The following CFAP54 variants were observed in gnomAD, a reference collection of about 807,000 sequenced individuals.
The protein encoded by CFAP54 is cilia- and flagella-associated protein 54.
Under a neutral mutation model 370.4 loss-of-function variants are expected in CFAP54, and 290 were observed. That is an observed-to-expected ratio of 0.78 (90% CI 0.71 to 0.86). CFAP54 has a LOEUF of 0.86. Ranked by LOEUF, CFAP54 falls within the 40% of genes least tolerant of loss-of-function variation. The pLI is 0.00. For missense variants in CFAP54, 3,399 were observed against 3,528.7 expected (o/e 0.96, Z 0.93); for synonymous variants, 1,206 against 1,236.5 (o/e 0.98, Z 0.52).
rs541872567 is a variant in CFAP54 at position 96,612,398 on chromosome 12, T to A, written c.3640-9192T>A. 4.6e-5 allele frequency among the ~76,000 whole-genome samples: 7 copies of A among 152,130 alleles called. No homozygotes were observed. In the East Asian group the frequency reaches 1.4e-3, roughly 29 times the overall value. On this transcript the variant is annotated intron_variant, in intron 26 of 67. Transcript: ENST00000524981. ...GAGCTCCTGAAGGGAGCACTAAACATGGAAAGGAACAACCAGTACCAGCCA... is the reference window on the plus strand; with the variant it reads ...GAGCTCCTGAAGGGAGCACTAAACAAGGAAAGGAACAACCAGTACCAGCCA...
chr12:96,518,897 A>G (rs1955270865), intron 5 of CFAP54, 31 bp from the exon 6 acceptor site: 1 of 1,496,754 alleles, frequency 6.7e-7, no homozygotes, highest in African/African-American at 1.4e-5. Context: ...TTCAAATGAA[A>G]ACAAATCCAA....
chr12:96,702,886 A>G (rs1461877780), intron 46 of CFAP54, among the ~76,000 whole-genome samples: 1 of 152,238 alleles, frequency 6.6e-6, no homozygotes, highest in Non-Finnish European at 1.5e-5. Context: ...ACAGATTACT[A>G]TTGAACTTTT....
At chr12:96,564,374 A>G (rs988152135) in intron 17 of CFAP54, 94 bp from the exon 18 acceptor site, 1 of 530,834 alleles carries the variant, frequency 1.9e-6, no homozygotes, top group African/African-American at 1.9e-5. Context: ...CAGAGGAAGC[A>G]GTAGCTTTAT....
intron 40 of CFAP54, chr12:96,682,197 C>T: frequency 1.0e-6 from 1 of 985,536 alleles, no homozygotes; most frequent in Non-Finnish European, 1.2e-6. Flanking sequence ...TGGAATTTTG[C>T]CTGGGGACAG....
chr12:96,674,339 T>TC (rs1265477572), intron 39 of CFAP54, among the ~76,000 whole-genome samples: 1 of 138,978 alleles, frequency 7.2e-6, no homozygotes, highest in African/African-American at 3.1e-5. Flanking sequence ...TGTTTTTCTT[T>TC]TTTTTTTTTT....
intron 23 of CFAP54, among the ~76,000 whole-genome samples, chr12:96,592,102 G>A (rs61938156): frequency 0.45 from 68,736 of 151,632 alleles, 15,898 homozygotes; most frequent in Admixed American, 0.51. Context: ...GTACATAGTA[G>A]GCATTCATCA....
intron 44 of CFAP54, among the ~76,000 whole-genome samples, chr12:96,693,435 TA>T (rs1957409364): frequency 6.6e-6 from 1 of 152,190 alleles, no homozygotes; most frequent in Non-Finnish European, 1.5e-5. Flanking sequence ...GATAATTGAT[TA>T]GATTTTAACC....
chr12:96,656,384 G>GTT (rs113583847), intron 36 of CFAP54, among the ~76,000 whole-genome samples: 11 of 148,566 alleles, frequency 7.4e-5, no homozygotes, highest in Non-Finnish European at 9.0e-5. Context: ...AGCTTTGTTG[G>GTT]TTTTTTTTTT....
In CFAP54 at chr12:96,704,778, C is replaced by A; in HGVS notation, c.6510C>A (p.Thr2170=). Residue 2170 remains threonine (T), a synonymous_variant, in exon 47 of 68, where the codon ACC becomes ACA. Transcript: ENST00000524981. ...FQSFDSGKLL[T]SKENIQAIDE... ...CATTTGACTCAGGAAAACTTCTTACCAGTAAAGAAAATATACAGGTAAGGA... is the reference window on the plus strand; with the variant it reads ...CATTTGACTCAGGAAAACTTCTTACAAGTAAAGAAAATATACAGGTAAGGA... The A allele has an allele frequency of 8.4e-7, 1 of 1,192,304 alleles. No homozygotes were observed. The highest frequency in any genetic ancestry group is 1.5e-5 in the South Asian group (1 of 67,404). The allele number at this position is 1,192,304 out of a possible 1,614,324, so 73.9% of individuals were successfully genotyped here.
chr12:96,544,706 C>A (rs1955619103), intron 14 of CFAP54, among the ~76,000 whole-genome samples: 1 of 152,074 alleles, frequency 6.6e-6, no homozygotes, highest in African/African-American at 2.4e-5. Context: ...AGTCCATTTT[C>A]TGTTACTTAG....
In CFAP54 at chr12:96,854,782, G is replaced by A. The variant is rs980301190; in HGVS notation, c.9172-6037G>A. Among the ~76,000 whole-genome samples the A allele has an allele frequency of 2.6e-5, 4 of 152,088 alleles. No homozygotes were observed. In the East Asian group the frequency reaches 7.7e-4, roughly 29 times the overall value. Reference sequence around the variant, plus strand: ...TTAATCCTTGTAACAAGATGATATAGGAACTATTATAATGTCTTTTTTTTA... The same window carrying A: ...TTAATCCTTGTAACAAGATGATATAAGAACTATTATAATGTCTTTTTTTTA... On this transcript the variant is annotated intron_variant, in intron 66 of 67. Coordinates refer to ENST00000524981, the MANE Select transcript of CFAP54 (RefSeq NM_001306084.2).
chr12:96,600,731 G>T (rs1956230861), intron 26 of CFAP54, among the ~76,000 whole-genome samples: 1 of 152,168 alleles, frequency 6.6e-6, no homozygotes, highest in African/African-American at 2.4e-5. Flanking sequence ...TTTGTGAATG[G>T]GAGTTCACTC....
intron 35 of CFAP54, among the ~76,000 whole-genome samples, chr12:96,650,894 C>T (rs750551970): frequency 1.6e-4 from 24 of 152,150 alleles, no homozygotes; most frequent in Non-Finnish European, 2.5e-4. Context: ...GAACTCAGCT[C>T]CTCTTACTCT....
At chr12:96,654,370 G>A (rs1447126508) in intron 36 of CFAP54, among the ~76,000 whole-genome samples, 2 of 151,310 alleles carry the variant, frequency 1.3e-5, no homozygotes, top group Non-Finnish European at 3.0e-5. Flanking sequence ...GCGTAGTGGC[G>A]GGCGCCTGTA....
chr12:96,825,732 T>G (rs1959091792), intron 65 of CFAP54, among the ~76,000 whole-genome samples: 1 of 125,412 alleles, frequency 8.0e-6, no homozygotes, highest in African/African-American at 3.2e-5. Context: ...ATATATTATA[T>G]AAATATCACA....
At chr12:96,756,240 C>T (rs1201100682) in intron 56 of CFAP54, among the ~76,000 whole-genome samples, 3 of 152,038 alleles carry the variant, frequency 2.0e-5, no homozygotes, top group African/African-American at 7.2e-5. Flanking sequence ...CCAAAGAAGG[C>T]TTGCCTCATG....
intron 9 of CFAP54, among the ~76,000 whole-genome samples, chr12:96,532,648 T>C (rs1955452305): frequency 6.6e-6 from 1 of 152,052 alleles, no homozygotes; most frequent in Non-Finnish European, 1.5e-5. Context: ...TGAGACAGGA[T>C]CTCACTCTGT....
intron 64 of CFAP54, 22 bp downstream of exon 64, chr12:96,811,864 C>T (rs78490816): frequency 0.017 from 22,498 of 1,331,360 alleles, 247 homozygotes; most frequent in Non-Finnish European, 0.02. Flanking sequence ...TTCCACAACT[C>T]GAATTGTCTT....
intron 60 of CFAP54, among the ~76,000 whole-genome samples, chr12:96,774,598 T>C (rs1051952347): frequency 1.3e-5 from 2 of 152,146 alleles, no homozygotes; most frequent in African/African-American, 4.8e-5. Context: ...CTCTTGTGGC[T>C]TTTTTATGTG....
Sources: allele counts gnomAD v4.1 joint callset (sites outside exome capture counted in the v4.1 genomes callset), GRCh38; gene constraint gnomAD v4.1.1; transcripts MANE v1.5; gene names NCBI Gene and HGNC (gene_info 2026-07-23, HGNC 2026-07-21).